PI4KA: variants seen among roughly 807,000 people sequenced by gnomAD.
PI4KA encodes phosphatidylinositol 4-kinase alpha.
In PI4KA, 122 loss-of-function variants were observed where a neutral mutation model predicts 271.4. The ratio of observed to expected loss-of-function variants is 0.45; its 90% CI spans 0.39 to 0.52. The LOEUF (loss-of-function observed/expected upper bound fraction) is 0.52. PI4KA is among the 20% of genes least tolerant of loss of function. The probability of loss-of-function intolerance (pLI) is 0.00; values close to 1 mark genes in which losing one functional copy is unlikely to be tolerated. For synonymous variants in PI4KA, 1,041 were observed against 1,078.8 expected (o/e 0.96, Z 0.69); for missense variants, 1,969 against 2,769.1 (o/e 0.71, Z 6.48).
At chr22:20,809,181 C>T (rs1030809248) in intron 9 of PI4KA, among the ~76,000 whole-genome samples, 1 of 152,150 alleles carries the variant, frequency 6.6e-6, no homozygotes, top group Non-Finnish European at 1.5e-5. Flanking sequence ...GAGTGTTAAA[C>T]TTTGGAGCCT....
intron 19 of PI4KA, among the ~76,000 whole-genome samples, chr22:20,792,671 G>A (rs995518972): frequency 2.0e-5 from 3 of 152,198 alleles, no homozygotes; most frequent in Non-Finnish European, 2.9e-5. Flanking sequence ...AGCTGGGACA[G>A]GACAGGATGG....
intron 1 of PI4KA, among the ~76,000 whole-genome samples, chr22:20,840,637 A>G (rs777087781): frequency 8.5e-5 from 13 of 152,188 alleles, no homozygotes; most frequent in Non-Finnish European, 1.6e-4. Flanking sequence ...AGACCAGTTC[A>G]GGATGTGTTT....
intron 43 of PI4KA, among the ~76,000 whole-genome samples, chr22:20,720,025 C>CAA (rs869149471): frequency 8.8e-4 from 31 of 35,316 alleles, no homozygotes; most frequent in African/African-American, 1.3e-3. Flanking sequence ...GACTCTGTCT[C>CAA]AAAAAAAAAA....
At position 20,803,196 on chromosome 22, in the gene PI4KA, T is replaced by G. The variant is rs758480118; in HGVS notation, c.1586A>C (p.His529Pro). 2 of 1,613,934 alleles carry G rather than the reference T, an allele frequency of 1.2e-6. No homozygotes were observed. Among genetic ancestry groups the G allele is most frequent in the Non-Finnish European group, 1.7e-6 (2 of 1,179,918 alleles). ...VKLYKYHSQY[H>P]TVAGNDIKIS... Reference sequence around the variant, plus strand: ...GGCACATAGTCTGTTATTACCTGTGTGGTACTGACTGTGGTACTTGTAGAG... The same window carrying G: ...GGCACATAGTCTGTTATTACCTGTGGGGTACTGACTGTGGTACTTGTAGAG... The change falls in exon 13 of 55, where the codon CAC becomes CCC. Residue 529 changes from histidine to proline, a missense_variant. Transcript: ENST00000255882.
At chr22:20,768,870 C>G (rs1932755900) in intron 19 of PI4KA, among the ~76,000 whole-genome samples, 1 of 152,208 alleles carries the variant, frequency 6.6e-6, no homozygotes, top group Admixed American at 6.5e-5. Flanking sequence ...CACAAAAGGA[C>G]AGTTGACAAG....
intron 32 of PI4KA, chr22:20,736,292 T>G (rs1928710659): frequency 6.6e-6 from 1 of 150,770 alleles, no homozygotes; most frequent in Non-Finnish European, 1.5e-5. Flanking sequence ...GTGCTGAGAA[T>G]CATCCGTGGG....
In PI4KA at chr22:20,726,471, T is replaced by C. The variant is rs1927363334; in HGVS notation, c.4995+17A>G. ...ACTCTGTGAGTGAAGAGGACGGCCATGCAGGTGCAGGCTTACCTTGTCGTA... is the reference window on the plus strand; with the variant it reads ...ACTCTGTGAGTGAAGAGGACGGCCACGCAGGTGCAGGCTTACCTTGTCGTA... On this transcript the variant is annotated intron_variant, in intron 42 of 54. Coordinates refer to ENST00000255882, the MANE Select transcript of PI4KA (RefSeq NM_058004.4). 1.9e-6 allele frequency: 3 copies of C among 1,546,198 alleles called. No homozygotes were observed. The highest frequency in any genetic ancestry group is 2.5e-5 in the East Asian group (1 of 39,736).
At chr22:20,750,061 T>C (rs1385115230) in intron 27 of PI4KA, 67 bp from the exon 28 acceptor site, 5 of 1,022,120 alleles carry the variant, frequency 4.9e-6, no homozygotes, top group Non-Finnish European at 6.2e-6. Context: ...GTAGTGACTG[T>C]CATGGGCTGA....
chr22:20,723,219 A>G (rs1926951818), intron 42 of PI4KA, among the ~76,000 whole-genome samples: 1 of 151,262 alleles, frequency 6.6e-6, no homozygotes, highest in Non-Finnish European at 1.5e-5. Flanking sequence ...ACGGGGTTTC[A>G]CCGTGTTAGC....
At chr22:20,767,717 C>A (rs112472441) in intron 19 of PI4KA, among the ~76,000 whole-genome samples, 9,622 of 151,704 alleles carry the variant, frequency 0.063, 313 homozygotes, top group East Asian at 0.079. Flanking sequence ...TCACTGCAAC[C>A]TTTGCCTCCC....
intron 26 of PI4KA, 76 bp downstream of exon 26, chr22:20,751,598 C>T: frequency 7.9e-7 from 1 of 1,266,146 alleles, no homozygotes; most frequent in Non-Finnish European, 1.2e-6. Flanking sequence ...CATGCCACAA[C>T]ACAGGGCGGA....
In PI4KA at chr22:20,786,733, T is replaced by C. The variant is rs1569032735; in HGVS notation, c.2328+6460A>G. The C allele has an allele frequency of 4.9e-5, 43 of 879,890 alleles. 1 individual carries two copies. The South Asian group carries it at 5.6e-4, about 11-fold the overall frequency. 54.5% of individuals were successfully genotyped at this position (879,890 alleles called of 1,614,324 possible). ...CCCTGACAGGTGGTGACAGATATTTTCAAGAGTGACTCTGACCAGCTGTGA... is the reference window on the plus strand; with the variant it reads ...CCCTGACAGGTGGTGACAGATATTTCCAAGAGTGACTCTGACCAGCTGTGA... On this transcript the variant is annotated intron_variant, in intron 19 of 54. Coordinates refer to ENST00000255882, the MANE Select transcript of PI4KA (RefSeq NM_058004.4).
intron 43 of PI4KA, among the ~76,000 whole-genome samples, chr22:20,719,261 A>G (rs1044276311): frequency 4.0e-5 from 6 of 151,020 alleles, no homozygotes; most frequent in South Asian, 2.1e-4. Context: ...TTTTTTTTTA[A>G]TAGAGGCACA....
In PI4KA at chr22:20,803,291, C is replaced by T. The variant is rs370959908; in HGVS notation, c.1491G>A (p.Pro497=). ...ACGGTGTCACAGAGTGCACCACCAC[C>T]GGGAACCTCTCGCACAGGCGGCCCA... The part of the protein sequence containing the change: ...QGLGRLCERF[P]VVVHSVTPSL... The change falls in exon 13 of 55, where the codon CCG becomes CCA. Residue 497 remains proline, a synonymous_variant. Coordinates refer to ENST00000255882, the MANE Select transcript of PI4KA (RefSeq NM_058004.4). 1.7e-5 allele frequency: 28 copies of T among 1,614,012 alleles called. No homozygotes were observed. Among genetic ancestry groups the T allele is most frequent in the East Asian group, 1.1e-4 (5 of 44,888 alleles).
chr22:20,802,835 T>C (rs1935406726), intron 13 of PI4KA, among the ~76,000 whole-genome samples: 2 of 152,236 alleles, frequency 1.3e-5, no homozygotes, highest in African/African-American at 2.4e-5. Context: ...AATTAATTAA[T>C]GTTAATTATT....
chr22:20,829,879 C>A (rs556583668), intron 3 of PI4KA, among the ~76,000 whole-genome samples: 3 of 152,244 alleles, frequency 2.0e-5, no homozygotes, highest in African/African-American at 2.4e-5. Context: ...CAAATAATTT[C>A]TTGATTTCTG....
At position 20,727,359 on chromosome 22, in the gene PI4KA, T is replaced by C. The variant is rs1386531488; in HGVS notation, c.4812A>G (p.Pro1604=). ...CCCAGCACAGCACATGGCTGAGCTC[T>C]GGAGCATCGGCGTCGATGGTGTGCC... is the stretch of plus-strand genomic sequence containing the variant. ...VTWHTIDADA[P]ELSHVLCWAP... Residue 1604 remains proline, a synonymous_variant, in exon 41 of 55, where the codon CCA becomes CCG. Transcript: ENST00000255882. The C allele has an allele frequency of 2.5e-6, 4 of 1,609,176 alleles. No individual in the cohort carries two copies. Among genetic ancestry groups the C allele is most frequent in the Non-Finnish European group, 8.5e-7 (1 of 1,178,370 alleles).
chr22:20,789,913 G>A (rs988255042), intron 19 of PI4KA, among the ~76,000 whole-genome samples: 3 of 152,130 alleles, frequency 2.0e-5, no homozygotes, highest in Non-Finnish European at 4.4e-5. Context: ...AACCTTCCAA[G>A]GCCACAAAAG....
At chr22:20,786,067 G>C in intron 19 of PI4KA, 4 of 1,614,172 alleles carry the variant, frequency 2.5e-6, no homozygotes, top group Non-Finnish European at 3.4e-6. Flanking sequence ...TGGAGTCCCT[G>C]AAGTTGATGG....
Sources: allele counts gnomAD v4.1 joint callset (sites outside exome capture counted in the v4.1 genomes callset), GRCh38; gene constraint gnomAD v4.1.1; transcripts MANE v1.5; gene names NCBI Gene and HGNC (gene_info 2026-07-23, HGNC 2026-07-21).